IARS1: variants seen among roughly 807,000 people sequenced by gnomAD.
IARS1 encodes the protein isoleucyl-tRNA synthetase 1, also known as isoleucine--tRNA ligase, cytoplasmic.
IARS1 carries 124 observed loss-of-function variants against 168.2 expected under a neutral mutation model. The observed-to-expected ratio is 0.74, with a 90% CI of 0.64 to 0.86. The LOEUF is 0.86. IARS1 is among the 40% of genes least tolerant of loss of function. The pLI is 0.00. For missense variants in IARS1, 1,452 were observed against 1,515.8 expected (o/e 0.96, Z 0.70); for synonymous variants, 532 against 529.4 (o/e 1.00, Z -0.07).
chr9:92,286,147 C>G, intron 5 of IARS1: 1 of 292,572 alleles, frequency 3.4e-6, no homozygotes, highest in African/African-American at 2.1e-5. Flanking sequence ...GTGGATGGAT[C>G]ACCTAGGTCA....
At chr9:92,212,510 C>T (rs1207622588) in intron 33 of IARS1, among the ~76,000 whole-genome samples, 3 of 152,190 alleles carry the variant, frequency 2.0e-5, no homozygotes, top group Non-Finnish European at 4.4e-5. Context: ...ATAATTCATA[C>T]AGACATGGTT....
intron 31 of IARS1, among the ~76,000 whole-genome samples, chr9:92,227,838 C>T (rs545777826): frequency 2.6e-5 from 4 of 151,646 alleles, no homozygotes; most frequent in African/African-American, 9.7e-5. Context: ...CAGAGACGCT[C>T]CTCACTTTCC....
intron 25 of IARS1, among the ~76,000 whole-genome samples, chr9:92,248,820 C>T (rs1829610922): frequency 1.3e-5 from 2 of 152,066 alleles, no homozygotes; most frequent in South Asian, 4.2e-4. Context: ...TTTTAAATAT[C>T]ACCTGTGAAA....
chr9:92,284,971 GATCA>G (rs1279791074), intron 6 of IARS1, among the ~76,000 whole-genome samples: 1 of 152,152 alleles, frequency 6.6e-6, no homozygotes, highest in Non-Finnish European at 1.5e-5. Context: ...GATTTACAAA[GATCA>G]ATCAAACAGG....
At chr9:92,264,258 C>T (rs1030028149) in intron 16 of IARS1, among the ~76,000 whole-genome samples, 1 of 151,264 alleles carries the variant, frequency 6.6e-6, no homozygotes, top group Non-Finnish European at 1.5e-5. Flanking sequence ...TTGCTTGAAC[C>T]CAGGAGGCGA....
chr9:92,254,261 A>T (rs549833170), intron 20 of IARS1, among the ~76,000 whole-genome samples: 4 of 152,222 alleles, frequency 2.6e-5, no homozygotes, highest in Non-Finnish European at 5.9e-5. Flanking sequence ...TAGGAAAGAA[A>T]GGGTGTTTAG....
In IARS1 at chr9:92,286,598, G is replaced by A; in HGVS notation, c.417C>T (p.Gly139=). 6.3e-7 allele frequency: 1 copy of A among 1,583,738 alleles called. No homozygotes were observed. The highest frequency in any genetic ancestry group is 8.7e-7 in the Non-Finnish European group (1 of 1,152,650). ...AEWKSTVSRL[G]RWIDFDNDYK... is the part of the protein sequence containing the mutation. Reference sequence around the variant, plus strand: ...AGTCATTGTCAAAGTCAATCCATCGGCCAAGTCTGCTAACAGTAGACTTTA... The same window carrying A: ...AGTCATTGTCAAAGTCAATCCATCGACCAAGTCTGCTAACAGTAGACTTTA... The change falls in exon 5 of 34, where the codon GGC becomes GGT. Residue 139 remains glycine, a synonymous_variant. Coordinates refer to ENST00000443024, the MANE Select transcript of IARS1 (RefSeq NM_002161.6).
At chr9:92,217,004 AT>A (rs1297649746) in intron 33 of IARS1, among the ~76,000 whole-genome samples, 3 of 150,432 alleles carry the variant, frequency 2.0e-5, no homozygotes, top group Non-Finnish European at 4.5e-5. Flanking sequence ...CTATTCCAAA[AT>A]TGACCACATA....
chr9:92,246,190 C>T (rs1829174714), intron 26 of IARS1, among the ~76,000 whole-genome samples: 1 of 152,102 alleles, frequency 6.6e-6, no homozygotes, highest in African/African-American at 2.4e-5. Context: ...TTAGTAATAA[C>T]TTGAGGTTTA....
Position 92,274,523 on chromosome 9 carries a change from T to TG in IARS1, c.895-3dup, listed in dbSNP as rs1833529388. 6.2e-7 allele frequency: 1 copy of TG among 1,609,904 alleles called. No homozygotes were observed. The highest frequency in any genetic ancestry group is 1.3e-5 in the African/African-American group (1 of 74,854). ...AGTGAAAGCGCCATTCTCTTTACAC[T>TG]GGAAAGAAAGGACAGCAGGCTTCAG... On this transcript the variant is annotated splice_region_variant and splice_polypyrimidine_tract_variant and intron_variant, in intron 9 of 33. Coordinates refer to ENST00000443024, the MANE Select transcript of IARS1 (RefSeq NM_002161.6).
rs576514423 is a variant in IARS1 at position 92,244,938 on chromosome 9, T to C, written c.2904+21A>G. 5 of 1,590,998 alleles carry C rather than the reference T, an allele frequency of 3.1e-6. No homozygotes were observed. In the East Asian group the frequency reaches 8.9e-5, roughly 28 times the overall value. ...GCTCTCATCTCTTGGTAAAGAAATG[T>C]TCTAGGAAACAGAAAAATACCTGAG... On this transcript the variant is annotated intron_variant, in intron 27 of 33. Transcript: ENST00000443024.
chr9:92,213,815 T>C (rs138401314), intron 33 of IARS1, among the ~76,000 whole-genome samples: 94 of 152,208 alleles, frequency 6.2e-4, no homozygotes, highest in African/African-American at 1.4e-3. Context: ...GGGAATGCCA[T>C]AGATTTTTTT....
chr9:92,222,868 A>G (rs1220855037), intron 32 of IARS1, among the ~76,000 whole-genome samples, 196 bp from the exon 33 acceptor site: 1 of 152,078 alleles, frequency 6.6e-6, no homozygotes, highest in Non-Finnish European at 1.5e-5. Context: ...GGAAGGGGAA[A>G]AAGAAAAAAA....
chr9:92,223,370 G>A lies in IARS1; in HGVS notation c.3529C>T (p.Gln1177Ter). The change falls in exon 32 of 34, where the codon CAG (glutamine) becomes TAG (stop). Residue 1177 changes from glutamine (Q) to a stop codon, truncating the protein, a stop_gained. Transcript: ENST00000443024. LOFTEE classifies it high-confidence loss of function. The stretch of plus-strand genomic sequence containing the variant: ...CCTTGTGGCTTTGCATTCAGGAGCT[G>A]TAGGTTGATATACTGACAAAGAAGA... ...STLLCQYINL[Q>*]LLNAKPQECL... is the part of the protein sequence containing the mutation. 3.1e-6 allele frequency: 5 copies of A among 1,613,420 alleles called. No individual in the cohort carries two copies. Among genetic ancestry groups the A allele is most frequent in the Non-Finnish European group, 4.2e-6 (5 of 1,179,544 alleles).
chr9:92,266,447 T>C (rs1832297642), intron 14 of IARS1, among the ~76,000 whole-genome samples: 1 of 152,230 alleles, frequency 6.6e-6, no homozygotes, highest in Non-Finnish European at 1.5e-5. Flanking sequence ...AGCCTATTAC[T>C]TCTAAGCTAC....
At chr9:92,275,779 T>C (rs1833697267) in intron 9 of IARS1, among the ~76,000 whole-genome samples, 1 of 152,238 alleles carries the variant, frequency 6.6e-6, no homozygotes, top group South Asian at 2.1e-4. Flanking sequence ...TCAGCTTCCC[T>C]CGATATTTCA....
chr9:92,247,538 C>T lies in IARS1; in HGVS notation c.2630G>A (p.Arg877Gln), dbSNP rs1406800554. The T allele has an allele frequency of 9.3e-6, 15 of 1,612,884 alleles. No homozygotes were observed. The highest frequency in any genetic ancestry group is 3.3e-5 in the Admixed American group (2 of 59,754). ...EKYIIEELNVRKVTLSTDKNK... is the reference protein window; with the variant it reads ...EKYIIEELNVQKVTLSTDKNK... Reference sequence around the variant, plus strand: ...TTTATCTGTAGACAGTGTAACTTTTCGAACATTGAGTTCCTACAGTTAATG... The same window carrying T: ...TTTATCTGTAGACAGTGTAACTTTTTGAACATTGAGTTCCTACAGTTAATG... The change falls in exon 26 of 34, where the codon CGA (arginine) becomes CAA (glutamine). Residue 877 changes from arginine to glutamine, a missense_variant. By Grantham distance (43) the Arg-to-Gln change is conservative. Coordinates refer to ENST00000443024, the MANE Select transcript of IARS1 (RefSeq NM_002161.6).
At chr9:92,244,442 T>G (rs1828892371) in intron 27 of IARS1, among the ~76,000 whole-genome samples, 1 of 152,174 alleles carries the variant, frequency 6.6e-6, no homozygotes, top group Non-Finnish European at 1.5e-5. Flanking sequence ...ATCTTACAAC[T>G]ATGCTGACTG....
chr9:92,250,756 T>C lies in IARS1; in HGVS notation c.2386A>G (p.Lys796Glu), dbSNP rs1383227870. 3.7e-6 allele frequency: 6 copies of C among 1,613,548 alleles called. No individual in the cohort carries two copies. Among genetic ancestry groups the C allele is most frequent in the Non-Finnish European group, 5.1e-6 (6 of 1,179,828 alleles). Residue 796 changes from lysine (K) to glutamate (E), a missense_variant, in exon 23 of 34, where the codon AAG becomes GAG. By Grantham distance (56) the Lys-to-Glu change is moderately conservative. Transcript: ENST00000443024. ...AGGTAGTGAATGCTGAGTGTGTCCT[T>C]GTCCTGAACAGAAACAGGGTCAATC... is the stretch of plus-strand genomic sequence containing the variant. ...VLIDPVSVQD[K>E]DTLSIHYLML...
Sources: gnomAD v4.1 joint callset for allele counts (sites outside exome capture counted in the v4.1 genomes callset) on GRCh38, gnomAD v4.1.1 for gene constraint, MANE v1.5 for transcripts, NCBI Gene and HGNC (gene_info 2026-07-23, HGNC 2026-07-21) for gene names.